RYR3: variants seen among roughly 807,000 people sequenced by gnomAD.
The protein encoded by RYR3 is brain ryanodine receptor-calcium release channel.
RYR3 carries 207 observed loss-of-function variants against 584.3 expected under a neutral mutation model. The ratio of observed to expected loss-of-function variants is 0.35; its 90% confidence interval spans 0.32 to 0.40. The LOEUF is 0.40. Among genes scored for constraint, RYR3 ranks in the 10% least tolerant of loss-of-function variants. RYR3 has a pLI of 1.00. For missense variants in RYR3, 5,616 were observed against 6,089.2 expected (o/e 0.92, Z 2.59); for synonymous variants, 2,416 against 2,248.5 (o/e 1.07, Z -2.11).
At chr15:33,356,170 G>T (rs1973953222) in intron 1 of RYR3, among the ~76,000 whole-genome samples, 1 of 152,106 alleles carries the variant, frequency 6.6e-6, no homozygotes, top group Non-Finnish European at 1.5e-5. Flanking sequence ...GGAGTGAGAA[G>T]GTCCGTGTTA....
At chr15:33,834,373 CTT>C (rs2077898612) in intron 86 of RYR3, among the ~76,000 whole-genome samples, 1 of 151,644 alleles carries the variant, frequency 6.6e-6, no homozygotes, top group South Asian at 2.1e-4. Context: ...CTACATTTGG[CTT>C]TCAGAAAAGT....
At chr15:33,384,348 T>C (rs2041415311) in intron 1 of RYR3, among the ~76,000 whole-genome samples, 1 of 151,764 alleles carries the variant, frequency 6.6e-6, no homozygotes, top group Non-Finnish European at 1.5e-5. Flanking sequence ...TTGCCTGAAT[T>C]ATCTGAAAAA....
intron 86 of RYR3, among the ~76,000 whole-genome samples, chr15:33,834,096 A>C (rs368306803): frequency 6.6e-6 from 1 of 152,308 alleles, no homozygotes; most frequent in African/African-American, 2.4e-5. Flanking sequence ...AACCTGGCCA[A>C]TGTGACAAAA....
At chr15:33,521,837 G>T (rs2054007341) in intron 3 of RYR3, among the ~76,000 whole-genome samples, 1 of 152,072 alleles carries the variant, frequency 6.6e-6, no homozygotes, top group Non-Finnish European at 1.5e-5. Context: ...TTTGACATTT[G>T]GTCCTGTCTT....
At chr15:33,806,050 A>G (rs757223627) in intron 69 of RYR3, among the ~76,000 whole-genome samples, 1 of 151,736 alleles carries the variant, frequency 6.6e-6, no homozygotes, top group African/African-American at 2.4e-5. Flanking sequence ...GACTTACAGA[A>G]AGTCTTCTGT....
intron 1 of RYR3, among the ~76,000 whole-genome samples, chr15:33,471,874 G>C (rs974703106): frequency 2.0e-5 from 3 of 152,036 alleles, no homozygotes; most frequent in Non-Finnish European, 2.9e-5. Context: ...TGGCAACTAA[G>C]AGCCCCTCAT....
intron 11 of RYR3, 132 bp from the exon 12 acceptor site, chr15:33,566,546 C>A: frequency 2.1e-6 from 2 of 969,886 alleles, no homozygotes; most frequent in Non-Finnish European, 3.2e-6. Context: ...ATGTCCCATT[C>A]TCAAAATGGA....
chr15:33,856,670 GTTTT>G (rs1037189704), intron 98 of RYR3: 29 of 156,570 alleles, frequency 1.9e-4, no homozygotes, highest in African/African-American at 6.5e-4. Flanking sequence ...TTGTTTGTTT[GTTTT>G]TTTGAGACGG....
chr15:33,857,932 G>A lies in RYR3; in HGVS notation c.14142+18G>A. 1 of 1,379,706 alleles carries A rather than the reference G, an allele frequency of 7.2e-7. No individual in the cohort carries two copies. The highest frequency in any genetic ancestry group is 3.6e-5 in the African/African-American group (1 of 27,490). 85.5% of individuals were successfully genotyped at this position (1,379,706 alleles called of 1,614,324 possible). A position where few individuals can be genotyped will look rare whatever the true frequency, so the allele number is the denominator to read the frequency against. ...TGATGACGGTGAGAGCCCACCCACT[G>A]CGGGGCCAGCCCACCCACTGCGGGG... is the stretch of plus-strand genomic sequence containing the variant. On this transcript the variant is annotated intron_variant, in intron 99 of 103. Coordinates refer to ENST00000634891, the MANE Select transcript of RYR3 (RefSeq NM_001036.6).
intron 14 of RYR3, among the ~76,000 whole-genome samples, chr15:33,582,508 G>A (rs1280106317): frequency 6.6e-6 from 1 of 152,208 alleles, no homozygotes; most frequent in African/African-American, 2.4e-5. Flanking sequence ...TATTGACCCA[G>A]TAGGCATGAT....
intron 16 of RYR3, among the ~76,000 whole-genome samples, chr15:33,592,668 G>A (rs774624595): frequency 6.6e-6 from 1 of 152,184 alleles, no homozygotes. Flanking sequence ...TCTCCAGCCA[G>A]GTATTCCAGT....
intron 38 of RYR3, among the ~76,000 whole-genome samples, chr15:33,676,799 A>G (rs945857326): frequency 6.6e-6 from 1 of 152,196 alleles, no homozygotes; most frequent in African/African-American, 2.4e-5. Context: ...ATAAAAACTC[A>G]TTGTATTGGG....
chr15:33,659,833 G>T (rs368957830), intron 33 of RYR3, 27 bp downstream of exon 33: 8 of 1,453,084 alleles, frequency 5.5e-6, no homozygotes, highest in Non-Finnish European at 7.7e-6. Context: ...TCATCTAATG[G>T]CCATGACAAG....
intron 55 of RYR3, 44 bp downstream of exon 55, chr15:33,748,574 C>T (rs773526135): frequency 2.6e-5 from 38 of 1,484,666 alleles, no homozygotes; most frequent in African/African-American, 5.5e-5. Context: ...AAGTGCAGGA[C>T]GCATTACCTT....
At chr15:33,597,613 T>C (rs549600079) in intron 16 of RYR3, among the ~76,000 whole-genome samples, 1 of 114,172 alleles carries the variant, frequency 8.8e-6, no homozygotes, top group South Asian at 3.1e-4. Flanking sequence ...TGTGAGACTC[T>C]GTCTCAAAAA....
chr15:33,750,103 A>G (rs749448273), intron 56 of RYR3, 49 bp downstream of exon 56: 27 of 1,607,244 alleles, frequency 1.7e-5, no homozygotes, highest in African/African-American at 1.1e-4. Context: ...CGGGGCAGCT[A>G]TGGTCTCCCA....
intron 12 of RYR3, among the ~76,000 whole-genome samples, chr15:33,577,431 T>C (rs578156866): frequency 3.4e-4 from 52 of 152,168 alleles, no homozygotes; most frequent in African/African-American, 1.0e-3. Context: ...CATAGACCAA[T>C]AGAAGAGAAT....
At chr15:33,613,440 C>T in intron 19 of RYR3, 65 bp downstream of exon 19, 1 of 1,482,158 alleles carries the variant, frequency 6.7e-7, no homozygotes, top group South Asian at 1.3e-5. Flanking sequence ...CCACTGTGAG[C>T]TGCGAAGCCA....
chr15:33,652,420 T>C (rs2062536292), intron 31 of RYR3, among the ~76,000 whole-genome samples: 1 of 152,192 alleles, frequency 6.6e-6, no homozygotes, highest in Non-Finnish European at 1.5e-5. Flanking sequence ...GCCGTTCCCA[T>C]GATCTGTTTC....
Sources: gnomAD v4.1 joint callset for allele counts (sites outside exome capture counted in the v4.1 genomes callset) on GRCh38, gnomAD v4.1.1 for gene constraint, MANE v1.5 for transcripts, NCBI Gene and HGNC (gene_info 2026-07-23, HGNC 2026-07-21) for gene names.